DGKG: variants seen among roughly 807,000 people sequenced by gnomAD.
DGKG encodes the protein diacylglycerol kinase gamma.
DGKG carries 78 observed loss-of-function variants against 105.3 expected under a neutral mutation model. The observed-to-expected ratio is 0.74, with a 90% confidence interval of 0.62 to 0.89. DGKG has a LOEUF of 0.89. DGKG is among the 40% of genes least tolerant of loss of function. The pLI is 0.00. For synonymous variants in DGKG, 346 were observed against 367.1 expected, an observed-to-expected ratio of 0.94 and a Z score of 0.66; for missense variants, 958 against 1,020.1, an observed-to-expected ratio of 0.94 and a Z score of 0.83.
intron 1 of DGKG, among the ~76,000 whole-genome samples, chr3:186,334,750 T>A (rs1369530040): frequency 1.3e-5 from 2 of 152,178 alleles, no homozygotes; most frequent in African/African-American, 4.8e-5. Context: ...ACACGGAGGT[T>A]AAGTAACTTG....
intron 22 of DGKG, among the ~76,000 whole-genome samples, chr3:186,178,804 C>T (rs1051994783): frequency 2.7e-4 from 41 of 152,104 alleles, no homozygotes; most frequent in Admixed American, 2.0e-3. Flanking sequence ...AAGCTGGGGT[C>T]GGGTTGGGGT....
intron 22 of DGKG, among the ~76,000 whole-genome samples, chr3:186,166,427 A>T (rs938587): frequency 0.74 from 112,315 of 152,126 alleles, 41,762 homozygotes; most frequent in East Asian, 0.92. Flanking sequence ...GGACTTGGAA[A>T]AAGAAGCCAG....
intron 9 of DGKG, chr3:186,279,316 C>T (rs1722725230): frequency 6.6e-6 from 1 of 152,382 alleles, no homozygotes; most frequent in Admixed American, 6.5e-5. Flanking sequence ...CTCACTCCTC[C>T]TTTTGCTCCT....
intron 20 of DGKG, among the ~76,000 whole-genome samples, chr3:186,232,789 T>A (rs982867210): frequency 7.9e-5 from 12 of 152,254 alleles, no homozygotes; most frequent in East Asian, 5.8e-4. Flanking sequence ...TCTACATTGA[T>A]GACTTACACC....
At chr3:186,299,105 G>GTT (rs1448659423) in intron 3 of DGKG, among the ~76,000 whole-genome samples, 1 of 152,230 alleles carries the variant, frequency 6.6e-6, no homozygotes, top group Admixed American at 6.5e-5. Context: ...ACAGTTTGCA[G>GTT]TGAGTCATCA....
chr3:186,333,183 T>A (rs1725680776), intron 1 of DGKG, among the ~76,000 whole-genome samples: 1 of 152,140 alleles, frequency 6.6e-6, no homozygotes, highest in Non-Finnish European at 1.5e-5. Flanking sequence ...GAAAGCGTGG[T>A]CCTCATCCCA....
At chr3:186,306,269 G>A (rs908628178) in intron 3 of DGKG, among the ~76,000 whole-genome samples, 1 of 152,142 alleles carries the variant, frequency 6.6e-6, no homozygotes, top group African/African-American at 2.4e-5. Context: ...ACCTAGAGGA[G>A]GAAGTGGAGT....
At chr3:186,321,028 T>A (rs746834515) in intron 1 of DGKG, among the ~76,000 whole-genome samples, 3 of 152,222 alleles carry the variant, frequency 2.0e-5, no homozygotes, top group Non-Finnish European at 4.4e-5. Context: ...GGATGCTTCA[T>A]GAGTAATTAC....
At chr3:186,296,382 C>T (rs576499801) in intron 5 of DGKG, among the ~76,000 whole-genome samples, 19 of 152,230 alleles carry the variant, frequency 1.2e-4, no homozygotes, top group Non-Finnish European at 1.9e-4. Context: ...GCAACATGCT[C>T]TGTTGCCTGA....
intron 1 of DGKG, among the ~76,000 whole-genome samples, chr3:186,355,878 T>G (rs1392830982): frequency 6.6e-6 from 1 of 152,212 alleles, no homozygotes; most frequent in Non-Finnish European, 1.5e-5. Context: ...CCAGGGAACA[T>G]TCTGGAATGG....
At chr3:186,152,680 T>C (rs1205157781) in intron 24 of DGKG, among the ~76,000 whole-genome samples, 1 of 152,164 alleles carries the variant, frequency 6.6e-6, no homozygotes, top group Non-Finnish European at 1.5e-5. Context: ...TTTTTTATTT[T>C]TGAGACAGAG....
intron 2 of DGKG, among the ~76,000 whole-genome samples, chr3:186,320,096 T>C (rs2108639966): frequency 6.6e-6 from 1 of 152,312 alleles, no homozygotes; most frequent in East Asian, 1.9e-4. Flanking sequence ...TGTAAAGCAA[T>C]ATGCACAGCA....
At chr3:186,272,885 G>A (rs1300919166) in intron 10 of DGKG, among the ~76,000 whole-genome samples, 2 of 151,898 alleles carry the variant, frequency 1.3e-5, no homozygotes, top group African/African-American at 2.4e-5. Flanking sequence ...GCACCACCAC[G>A]CCCGGCTAAT....
chr3:186,178,916 A>G (rs1210314174), intron 22 of DGKG, among the ~76,000 whole-genome samples: 1 of 151,984 alleles, frequency 6.6e-6, no homozygotes, highest in Non-Finnish European at 1.5e-5. Flanking sequence ...AGGTCAATTA[A>G]CCTCCCTTGG....
At chr3:186,201,413 G>C (rs1207268750) in intron 21 of DGKG, among the ~76,000 whole-genome samples, 2 of 152,110 alleles carry the variant, frequency 1.3e-5, no homozygotes, top group Admixed American at 1.3e-4. Flanking sequence ...CCACCCTACA[G>C]CCACCTGGCA....
At position 186,161,671 on chromosome 3, in the gene DGKG, C is replaced by T. The variant is rs1224385229; in HGVS notation, c.2217-8G>A. The stretch of plus-strand genomic sequence containing the variant: ...GGCAGCAGCTTGTTTGTCCTGGAAC[C>T]CAGAACACCAAGAGAACACAGTGAG... On this transcript the variant is annotated splice_polypyrimidine_tract_variant and splice_region_variant and intron_variant, in intron 23 of 24. Coordinates refer to ENST00000265022, the MANE Select transcript of DGKG (RefSeq NM_001346.3). 1.9e-6 allele frequency: 3 copies of T among 1,614,132 alleles called. No individual in the cohort carries two copies. In the South Asian group the frequency reaches 3.3e-5, roughly 18 times the overall value.
intron 21 of DGKG, among the ~76,000 whole-genome samples, chr3:186,196,275 C>T (rs1237914369): frequency 6.6e-6 from 1 of 151,824 alleles, no homozygotes; most frequent in Non-Finnish European, 1.5e-5. Context: ...GTAGCTGGGA[C>T]TACAGGTGCC....
chr3:186,187,197 T>C (rs1220472646), intron 22 of DGKG, among the ~76,000 whole-genome samples: 1 of 152,182 alleles, frequency 6.6e-6, no homozygotes, highest in African/African-American at 2.4e-5. Context: ...GAGAACAGGC[T>C]ACCTAGGGCA....
At chr3:186,253,240 G>T in intron 17 of DGKG, 58 bp from the exon 18 acceptor site, 1 of 1,416,864 alleles carries the variant, frequency 7.1e-7, no homozygotes, top group Non-Finnish European at 1.0e-6. Flanking sequence ...GAATGTTTGA[G>T]TTGTCTTTTT....
Sources: allele counts gnomAD v4.1 joint callset (sites outside exome capture counted in the v4.1 genomes callset), GRCh38; gene constraint gnomAD v4.1.1; transcripts MANE v1.5; gene names NCBI Gene and HGNC (gene_info 2026-07-23, HGNC 2026-07-21).